The following MAP2K5 variants were observed in gnomAD, a reference collection of about 807,000 sequenced individuals.
MAP2K5 encodes dual specificity mitogen-activated protein kinase kinase 5.
Under a neutral mutation model 83.1 loss-of-function variants are expected in MAP2K5, and 49 were observed. The ratio of observed to expected loss-of-function variants is 0.59; its 90% CI spans 0.47 to 0.75. MAP2K5 has a LOEUF of 0.75. Among genes scored for constraint, MAP2K5 ranks in the 30% least tolerant of loss-of-function variants. MAP2K5 has a pLI of 0.00. For synonymous variants in MAP2K5, 202 were observed against 191.8 expected, an observed-to-expected ratio of 1.05 and a Z score of -0.44; for missense variants, 457 against 557.5, an observed-to-expected ratio of 0.82 and a Z score of 1.82.
intron 16 of MAP2K5, among the ~76,000 whole-genome samples, chr15:67,723,867 C>CT (rs1378818526): frequency 4.0e-5 from 6 of 151,300 alleles, no homozygotes; most frequent in Non-Finnish European, 5.9e-5. Flanking sequence ...TGTTGTGATT[C>CT]TTTTTTTTTC....
intron 1 of MAP2K5, chr15:67,546,496 T>C (rs1448585331): frequency 1.4e-6 from 1 of 692,730 alleles, no homozygotes; most frequent in Non-Finnish European, 1.8e-6. Flanking sequence ...TGGGAGACCC[T>C]GGGCAAGTCA....
rs2087437899 is a variant in MAP2K5 at position 67,668,294 on chromosome 15, A to G, written c.847+3649A>G. Among the ~76,000 whole-genome samples, 1 of 152,222 alleles carries G rather than the reference A, an allele frequency of 6.6e-6. No homozygotes were observed. The highest frequency in any genetic ancestry group is 6.6e-5 in the Admixed American group (1 of 15,266). Reference sequence around the variant, plus strand: ...TTATTATACTTTATATTACTGAGTCAAAAATTATGAAAATCTTTTCTCTAA... The same window carrying G: ...TTATTATACTTTATATTACTGAGTCGAAAATTATGAAAATCTTTTCTCTAA... On this transcript the variant is annotated intron_variant, in intron 13 of 21. Transcript: ENST00000178640. This position sits in a 1 kb window ranked among gnomAD's most constrained non-coding sequence, Gnocchi z 4.0.
intron 3 of MAP2K5, among the ~76,000 whole-genome samples, chr15:67,571,776 G>A (rs923566493): frequency 2.6e-5 from 4 of 152,084 alleles, no homozygotes; most frequent in Non-Finnish European, 4.4e-5. Context: ...CTAGTCAATA[G>A]AGAGCTGGGG....
At chr15:67,691,194 T>C (rs1197726177) in intron 13 of MAP2K5, among the ~76,000 whole-genome samples, 1 of 152,196 alleles carries the variant, frequency 6.6e-6, no homozygotes, top group African/African-American at 2.4e-5. Context: ...ACTTGAAATA[T>C]ATCTGGCACT....
At chr15:67,648,729 C>T (rs992232329) in intron 11 of MAP2K5, among the ~76,000 whole-genome samples, 5 of 152,076 alleles carry the variant, frequency 3.3e-5, no homozygotes, top group South Asian at 2.1e-4. Context: ...GGACTACAGG[C>T]GCGTGCCACC....
At chr15:67,621,349 A>C (rs1023022460) in intron 8 of MAP2K5, among the ~76,000 whole-genome samples, 1 of 151,890 alleles carries the variant, frequency 6.6e-6, no homozygotes, top group African/African-American at 2.4e-5. Flanking sequence ...TATGCTTAGA[A>C]TCTAACTCAA....
chr15:67,618,042 G>A (rs940168579), intron 8 of MAP2K5, among the ~76,000 whole-genome samples: 1 of 152,134 alleles, frequency 6.6e-6, no homozygotes, highest in Non-Finnish European at 1.5e-5. Context: ...TTTATTCTTT[G>A]TAATGATGTA....
intron 16 of MAP2K5, among the ~76,000 whole-genome samples, chr15:67,705,107 A>G (rs757258555): frequency 5.9e-5 from 9 of 152,150 alleles, no homozygotes; most frequent in Admixed American, 2.6e-4. Context: ...TCACACAGCA[A>G]CTCTAGAGTT....
In MAP2K5 at chr15:67,769,748, T is replaced by A; in HGVS notation, c.1196+85T>A. The A allele has an allele frequency of 7.4e-7, 1 of 1,348,756 alleles. No homozygotes were observed. The highest frequency in any genetic ancestry group is 1.1e-6 in the Non-Finnish European group (1 of 948,016). 83.5% of individuals were successfully genotyped at this position (1,348,756 alleles called of 1,614,324 possible). A position where few individuals can be genotyped will look rare whatever the true frequency, so the allele number is the denominator to read the frequency against. On this transcript the variant is annotated intron_variant, in intron 20 of 21. Coordinates refer to ENST00000178640, the MANE Select transcript of MAP2K5 (RefSeq NM_145160.3). The surrounding 1 kb of genome is among the most constrained non-coding windows in gnomAD (Gnocchi z 5.2). ...GCAGCTCCGTGAGACCTTATGGCTC[T>A]CCCTGCATCCTTTTGGAGACAGGAG...
At chr15:67,712,168 C>A (rs1424392448) in intron 16 of MAP2K5, among the ~76,000 whole-genome samples, 2 of 152,222 alleles carry the variant, frequency 1.3e-5, no homozygotes, top group African/African-American at 4.8e-5. Flanking sequence ...ACCTCCCACC[C>A]TGTTCCTAGG....
Position 67,769,757 on chromosome 15 carries a change from CCTTT to C in MAP2K5, c.1196+95_1196+98del. ...TGAGACCTTATGGCTCTCCCTGCAT[CCTTT>C]TGGAGACAGGAGGGACTTCGGGGCC... On this transcript the variant is annotated intron_variant, in intron 20 of 21. Coordinates refer to ENST00000178640, the MANE Select transcript of MAP2K5 (RefSeq NM_145160.3). This position sits in a 1 kb window ranked among gnomAD's most constrained non-coding sequence, Gnocchi z 5.2. 1.6e-6 allele frequency: 2 copies of C among 1,277,090 alleles called. No individual in the cohort carries two copies. The highest frequency in any genetic ancestry group is 2.3e-6 in the Non-Finnish European group (2 of 887,722). 79.1% of individuals were successfully genotyped at this position (1,277,090 alleles called of 1,614,324 possible).
intron 17 of MAP2K5, among the ~76,000 whole-genome samples, chr15:67,733,653 A>T (rs2141254254): frequency 6.6e-6 from 1 of 152,360 alleles, no homozygotes; most frequent in African/African-American, 2.4e-5. Flanking sequence ...TGTACAAAAT[A>T]GAGATCTACT....
chr15:67,627,546 C>G (rs919262492), intron 8 of MAP2K5, among the ~76,000 whole-genome samples: 3 of 152,072 alleles, frequency 2.0e-5, no homozygotes, highest in African/African-American at 7.2e-5. Flanking sequence ...TATACATATG[C>G]TTTATATATG....
At position 67,736,704 on chromosome 15, in the gene MAP2K5, C is replaced by T. The variant is rs556223785; in HGVS notation, c.1074+8759C>T. Among the ~76,000 whole-genome samples the T allele has an allele frequency of 6.6e-6, 1 of 152,262 alleles. No individual in the cohort carries two copies. The highest frequency in any genetic ancestry group is 2.4e-5 in the African/African-American group (1 of 41,552). On this transcript the variant is annotated intron_variant, in intron 17 of 21. Transcript: ENST00000178640. The surrounding 1 kb of genome is among the most constrained non-coding windows in gnomAD (Gnocchi z 4.3). ...GTTACTGGGGACCATGATTCCCTTA[C>T]AATTTTTAAATAATCAATTTAGCCC... is the stretch of plus-strand genomic sequence containing the variant.
In MAP2K5 at chr15:67,580,841, CTAA is replaced by C; in HGVS notation, c.322+20_322+22del. ...TCCAAGAGGTAATGTTGAGCAAATT[CTAA>C]TCAACAATGATTATTTCAGTAAACT... On this transcript the variant is annotated intron_variant, in intron 4 of 21. Transcript: ENST00000178640. 1 of 1,506,146 alleles carries C rather than the reference CTAA, an allele frequency of 6.6e-7. No homozygotes were observed. The allele number at this position is 1,506,146 out of a possible 1,614,324, so 93.3% of individuals were successfully genotyped here. A position where few individuals can be genotyped will look rare whatever the true frequency, so the allele number is the denominator to read the frequency against.
At position 67,769,527 on chromosome 15, in the gene MAP2K5, ATGGG is replaced by A; in HGVS notation, c.1135-66_1135-63del. 4 of 1,299,940 alleles carry A rather than the reference ATGGG, an allele frequency of 3.1e-6. No homozygotes were observed. The highest frequency in any genetic ancestry group is 4.5e-6 in the Non-Finnish European group (4 of 897,182). The allele number at this position is 1,299,940 out of a possible 1,614,324, so 80.5% of individuals were successfully genotyped here. On this transcript the variant is annotated intron_variant, in intron 19 of 21. Coordinates refer to ENST00000178640, the MANE Select transcript of MAP2K5 (RefSeq NM_145160.3). This position sits in a 1 kb window ranked among gnomAD's most constrained non-coding sequence, Gnocchi z 5.2. ...ATTCATCTTTATACTCATCCTTCAC[ATGGG>A]TGGGTGGGGAATATAAAGAAAGAGA... is the stretch of plus-strand genomic sequence containing the variant.
At chr15:67,773,069 G>T (rs536490313) in intron 21 of MAP2K5, among the ~76,000 whole-genome samples, 55 of 152,252 alleles carry the variant, frequency 3.6e-4, no homozygotes, top group African/African-American at 1.3e-3. Flanking sequence ...GGTAACAGAA[G>T]ATCATCAGTG....
rs1275598474 is a variant in MAP2K5, at chr15:67,724,708, A to G, written c.1045-3208A>G. 6.6e-6 allele frequency among the ~76,000 whole-genome samples: 1 copy of G among 152,202 alleles called. No homozygotes were observed. The highest frequency in any genetic ancestry group is 2.1e-4 in the South Asian group (1 of 4,830). Reference sequence around the variant, plus strand: ...CTTTTCTATAAGACAAATAGTGTGGAACATAAACACTGTAGCTGCATTAGA... The same window carrying G: ...CTTTTCTATAAGACAAATAGTGTGGGACATAAACACTGTAGCTGCATTAGA... On this transcript the variant is annotated intron_variant, in intron 16 of 21. Coordinates refer to ENST00000178640, the MANE Select transcript of MAP2K5 (RefSeq NM_145160.3). The surrounding 1 kb of genome is among the most constrained non-coding windows in gnomAD (Gnocchi z 4.4).
chr15:67,664,827 T>C (rs890094822), intron 13 of MAP2K5, among the ~76,000 whole-genome samples, 182 bp downstream of exon 13: 2 of 152,210 alleles, frequency 1.3e-5, no homozygotes, highest in African/African-American at 4.8e-5. Flanking sequence ...CTCATTTAGA[T>C]TATAAACTTG....
Sources: allele counts gnomAD v4.1 joint callset (sites outside exome capture counted in the v4.1 genomes callset), GRCh38; gene constraint gnomAD v4.1.1; non-coding constraint Gnocchi (gnomAD v3.1); transcripts MANE v1.5; gene names NCBI Gene and HGNC (gene_info 2026-07-23, HGNC 2026-07-21).